Variants in MYO19 observed in about 807,000 individuals in gnomAD.
MYO19 encodes unconventional myosin-XIX.
A neutral mutation model predicts 129.2 loss-of-function variants in MYO19; 132 were observed. The ratio of observed to expected loss-of-function variants is 1.02; its 90% CI spans 0.89 to 1.18. The LOEUF is 1.18. Ranked by LOEUF, MYO19 falls within the 50% of genes most tolerant of loss-of-function variation. MYO19 has a pLI of 0.00. For missense variants in MYO19, 1,210 were observed against 1,216.7 expected (o/e 0.99, Z 0.08); for synonymous variants, 531 against 477.2 (o/e 1.11, Z -1.47).
chr17:36,501,354 C>T, intron 21 of MYO19, 119 bp from the exon 22 acceptor site: 2 of 1,081,872 alleles, frequency 1.8e-6, no homozygotes, highest in Non-Finnish European at 2.6e-6. Flanking sequence ...GTTCTTGGCT[C>T]TAGCCATTTT....
chr17:36,517,104 A>G (rs2072805190), intron 6 of MYO19, among the ~76,000 whole-genome samples: 2 of 151,972 alleles, frequency 1.3e-5, no homozygotes. Context: ...ATATTTCTCC[A>G]TTTCATCTAA....
chr17:36,508,952 G>C (rs1240621943), intron 14 of MYO19, 110 bp downstream of exon 14: 2 of 899,156 alleles, frequency 2.2e-6, no homozygotes, highest in African/African-American at 3.3e-5. Flanking sequence ...AGACAAAAAA[G>C]GGAAAGGAAC....
At chr17:36,538,342 T>C (rs201893415), upstream of MYO19, 312 of 1,614,072 alleles carry the variant, frequency 1.9e-4, no homozygotes, top group Non-Finnish European at 2.5e-4. Flanking sequence ...TGGAAACTTA[T>C]CCAGTCACCT....
rs764196050 is a variant in MYO19 at position 36,507,382 on chromosome 17, T to C, written c.1467+17A>G. 1.2e-6 allele frequency: 2 copies of C among 1,608,032 alleles called. No homozygotes were observed. Among genetic ancestry groups the C allele is most frequent in the Non-Finnish European group, 1.7e-6 (2 of 1,175,902 alleles). Reference sequence around the variant, plus strand: ...AAGGCCAACTCTGGTGCTCGGCTCATTAGCTGACCTCCCCACCTCATTTAT... The same window carrying C: ...AAGGCCAACTCTGGTGCTCGGCTCACTAGCTGACCTCCCCACCTCATTTAT... On this transcript the variant is annotated intron_variant, in intron 16 of 25. Transcript: ENST00000614623.
upstream of MYO19, chr17:36,537,368 T>C (rs2074156272): frequency 6.2e-7 from 1 of 1,613,896 alleles, no homozygotes; most frequent in Non-Finnish European, 8.5e-7. Context: ...TAATTATCTT[T>C]GGGGCAGGGC....
At chr17:36,530,098 A>T (rs890330384) in intron 3 of MYO19, among the ~76,000 whole-genome samples, 6 of 152,188 alleles carry the variant, frequency 3.9e-5, no homozygotes, top group Non-Finnish European at 2.9e-5. Context: ...ATAGTGGCTT[A>T]AGCCTGTAAT....
chr17:36,509,208 C>A (rs180814749), intron 13 of MYO19, 73 bp from the exon 14 acceptor site: 2 of 1,367,698 alleles, frequency 1.5e-6, no homozygotes, highest in African/African-American at 1.4e-5. Context: ...TTGCTCCCCC[C>A]ATCAGGGTGC....
At chr17:36,540,962 A>G (rs1235947613) in intron 2 of MYO19, among the ~76,000 whole-genome samples, 1 of 152,078 alleles carries the variant, frequency 6.6e-6, no homozygotes, top group African/African-American at 2.4e-5. Context: ...CAGCCTATCT[A>G]TGCCCTTCAG....
At chr17:36,518,589 T>C (rs1305815998) in intron 6 of MYO19, among the ~76,000 whole-genome samples, 2 of 136,262 alleles carry the variant, frequency 1.5e-5, no homozygotes, top group Non-Finnish European at 3.1e-5. Flanking sequence ...CATAAAAGTA[T>C]GTATATATAT....
chr17:36,506,330 G>T, intron 18 of MYO19, 126 bp downstream of exon 18: 1 of 1,151,290 alleles, frequency 8.7e-7, no homozygotes, highest in Non-Finnish European at 1.3e-6. Context: ...CAGGGGACTG[G>T]GACCACATCT....
upstream of MYO19, chr17:36,537,294 A>G (rs984060224): frequency 6.2e-7 from 1 of 1,613,300 alleles, no homozygotes; most frequent in Non-Finnish European, 8.5e-7. Context: ...TGTTGTCCTA[A>G]TAGTTCCCAT....
chr17:36,497,674 TC>T, intron 25 of MYO19: 1 of 387,878 alleles, frequency 2.6e-6, no homozygotes, highest in Non-Finnish European at 3.5e-6. Context: ...AACCTCTCCC[TC>T]CCAGATTCAA....
chr17:36,495,638 G>T lies in MYO19; in HGVS notation c.*613C>A. On this transcript the variant is annotated 3_prime_UTR_variant, in exon 26 of 26. Coordinates refer to ENST00000614623, the MANE Select transcript of MYO19 (RefSeq NM_001163735.2). ...GAGAAAACTTGACATTCAGATGATT[G>T]TTTTTAAATGTTTTACTTTTGGTAC... 7.8e-7 allele frequency: 1 copy of T among 1,286,482 alleles called. No homozygotes were observed. The highest frequency in any genetic ancestry group is 9.8e-7 in the Non-Finnish European group (1 of 1,020,350). 79.7% of individuals were successfully genotyped at this position (1,286,482 alleles called of 1,614,324 possible). A position where few individuals can be genotyped will look rare whatever the true frequency, so the allele number is the denominator to read the frequency against.
At chr17:36,527,139 C>A (rs952750610) in intron 5 of MYO19, among the ~76,000 whole-genome samples, 8 of 151,828 alleles carry the variant, frequency 5.3e-5, no homozygotes, top group African/African-American at 1.9e-4. Context: ...GCACTCCAGT[C>A]TGGGCAATAA....
intron 24 of MYO19, 24 bp downstream of exon 24, chr17:36,499,051 C>T: frequency 3.8e-6 from 6 of 1,580,040 alleles, no homozygotes; most frequent in Non-Finnish European, 5.2e-6. Context: ...CACTGCCCAC[C>T]CCGACTTCTT....
chr17:36,503,223 G>C, intron 20 of MYO19, 23 bp from the exon 21 acceptor site: 2 of 1,579,978 alleles, frequency 1.3e-6, no homozygotes, highest in Non-Finnish European at 1.7e-6. Flanking sequence ...GCAGGCAGAA[G>C]TAGAGAATTA....
At chr17:36,523,962 T>C (rs1418587918) in intron 6 of MYO19, among the ~76,000 whole-genome samples, 1 of 152,254 alleles carries the variant, frequency 6.6e-6, no homozygotes, top group Non-Finnish European at 1.5e-5. Context: ...GCTTGATTTT[T>C]TGAACTATGT....
rs1599294967 is a variant in MYO19 at position 36,510,829 on chromosome 17, T to C, written c.1074A>G (p.Arg358=). 7 of 1,585,044 alleles carry C rather than the reference T, an allele frequency of 4.4e-6. No homozygotes were observed. Among genetic ancestry groups the C allele is most frequent in the Admixed American group, 3.6e-5 (2 of 56,084 alleles). Residue 358 remains arginine, a synonymous_variant, in exon 13 of 26, where the codon AGA becomes AGG. Transcript: ENST00000614623. ...AGGGCTTCCGGAACACCTGCTGCTG[T>C]CTGCCTGCCCTGATGGTTCTAATCT... ...MVQIRTIRAG[R]QQQVFRKPCA... is the part of the protein sequence containing the mutation.
chr17:36,541,915 G>A (rs971888629), intron 2 of MYO19, among the ~76,000 whole-genome samples: 3 of 152,200 alleles, frequency 2.0e-5, no homozygotes, highest in African/African-American at 4.8e-5. Flanking sequence ...AAGATGCACA[G>A]TGAAAACTTT....
Sources: allele counts gnomAD v4.1 joint callset (sites outside exome capture counted in the v4.1 genomes callset), GRCh38; gene constraint gnomAD v4.1.1; transcripts MANE v1.5; gene names NCBI Gene and HGNC (gene_info 2026-07-23, HGNC 2026-07-21).